The following RPTOR variants were observed in gnomAD, a reference collection of about 807,000 sequenced individuals.
RPTOR encodes the protein regulatory-associated protein of mTOR.
A neutral mutation model predicts 169.9 loss-of-function variants in RPTOR; 21 were observed. The ratio of observed to expected loss-of-function variants is 0.12; its 90% confidence interval spans 0.09 to 0.18. The LOEUF (loss-of-function observed/expected upper bound fraction) is 0.18. Among genes scored for constraint, RPTOR ranks in the 10% least tolerant of loss-of-function variants. The pLI is 1.00. For synonymous variants in RPTOR, 732 were observed against 753.2 expected, an observed-to-expected ratio of 0.97 and a Z score of 0.46; for missense variants, 1,133 against 1,855.9, an observed-to-expected ratio of 0.61 and a Z score of 7.16.
At chr17:80,954,005 G>C (rs1333701439) in intron 28 of RPTOR, among the ~76,000 whole-genome samples, 10 of 152,156 alleles carry the variant, frequency 6.6e-5, no homozygotes, top group South Asian at 2.1e-4. Context: ...TTGTTTGTTT[G>C]TGTTTGTTTT....
rs1234597342 is a variant in RPTOR, at chr17:80,633,670, C to T, written c.265+7877C>T. 1.3e-5 allele frequency among the ~76,000 whole-genome samples: 2 copies of T among 152,172 alleles called. 1 individual carries two copies. The highest frequency in any genetic ancestry group is 4.8e-5 in the African/African-American group (2 of 41,414). ...GCCTGCTGGACCTCATGTGAAATTC[C>T]CCTTTGTAGTTGATAGGTATTTTCG... is the stretch of plus-strand genomic sequence containing the variant. On this transcript the variant is annotated intron_variant, in intron 2 of 33. Coordinates refer to ENST00000306801, the MANE Select transcript of RPTOR (RefSeq NM_020761.3). The surrounding 1 kb of genome is among the most constrained non-coding windows in gnomAD (Gnocchi z 4.1).
Position 80,721,554 on chromosome 17 carries a change from G to A in RPTOR, c.508-9006G>A, listed in dbSNP as rs2066286886. Among the ~76,000 whole-genome samples, 1 of 151,378 alleles carries A rather than the reference G, an allele frequency of 6.6e-6. No individual in the cohort carries two copies. Among genetic ancestry groups the A allele is most frequent in the Non-Finnish European group, 1.5e-5 (1 of 68,038 alleles). On this transcript the variant is annotated intron_variant, in intron 4 of 33. Transcript: ENST00000306801. This position sits in a 1 kb window ranked among gnomAD's most constrained non-coding sequence, Gnocchi z 4.7. ...CGGGGCCGTCAGGGCGCTGCAGTTT[G>A]CAGGAGCATCCTTTGGGCTCTTACC... is the stretch of plus-strand genomic sequence containing the variant.
At position 80,560,277 on chromosome 17, in the gene RPTOR, A is replaced by C. The variant is rs566346024; in HGVS notation, c.162+14486A>C. Among the ~76,000 whole-genome samples the C allele has an allele frequency of 9.2e-5, 14 of 152,294 alleles. No individual in the cohort carries two copies. In the South Asian group the frequency reaches 2.9e-3, roughly 32 times the overall value. ...TGGCTGGACGAAGATCTGTGTGCTC[A>C]GGTGGAGTGGTTGCGGGAGCAGGGC... is the stretch of plus-strand genomic sequence containing the variant. On this transcript the variant is annotated intron_variant, in intron 1 of 33. Transcript: ENST00000306801.
At chr17:80,628,696 A>G (rs2065415231) in intron 2 of RPTOR, among the ~76,000 whole-genome samples, 1 of 151,256 alleles carries the variant, frequency 6.6e-6, no homozygotes, top group African/African-American at 2.4e-5. Context: ...AGGCTGGGCT[A>G]TACTTGAACA....
intron 1 of RPTOR, among the ~76,000 whole-genome samples, chr17:80,601,555 C>CTTTTTTTTTTTTTTTTTTTTT (rs536196387): frequency 5.6e-5 from 1 of 18,000 alleles, no homozygotes; most frequent in African/African-American, 3.5e-4. Flanking sequence ...ATGGTTCAGT[C>CTTTTTTTTTTTTTTTTTTTTT]TTTTTTTTTT....
At chr17:80,764,061 A>G (rs1410217751) in intron 6 of RPTOR, among the ~76,000 whole-genome samples, 1 of 152,062 alleles carries the variant, frequency 6.6e-6, no homozygotes, top group Non-Finnish European at 1.5e-5. Context: ...GATATATAGC[A>G]GAGAAACCTA....
intron 1 of RPTOR, among the ~76,000 whole-genome samples, chr17:80,561,925 C>T (rs2084502801): frequency 6.6e-6 from 1 of 151,886 alleles, no homozygotes; most frequent in African/African-American, 2.4e-5. Flanking sequence ...TGTACATGTG[C>T]TTATGTGTAT....
chr17:80,840,824 A>G (rs2067634186), intron 10 of RPTOR, among the ~76,000 whole-genome samples: 1 of 125,488 alleles, frequency 8.0e-6, no homozygotes, highest in Non-Finnish European at 1.6e-5. Context: ...ACCACGCCGC[A>G]GCTCACACTC....
chr17:80,545,906 T>C, intron 1 of RPTOR, 115 bp downstream of exon 1: 1 of 889,874 alleles, frequency 1.1e-6, no homozygotes, highest in Middle Eastern at 2.4e-4. Context: ...CCACACGTTG[T>C]AAGTCAACTA....
At chr17:80,934,519 C>T (rs1441731773) in intron 24 of RPTOR, among the ~76,000 whole-genome samples, 1 of 152,146 alleles carries the variant, frequency 6.6e-6, no homozygotes, top group South Asian at 2.1e-4. Flanking sequence ...CCACCAGACA[C>T]AGCGAATTTT....
At chr17:80,809,973 G>A (rs1486367030) in intron 7 of RPTOR, among the ~76,000 whole-genome samples, 2 of 151,996 alleles carry the variant, frequency 1.3e-5, no homozygotes, top group Middle Eastern at 3.2e-3. Context: ...GGAGGCGGAC[G>A]TTGAGTCCGT....
chr17:80,842,638 C>T (rs529836374), intron 10 of RPTOR, among the ~76,000 whole-genome samples: 33 of 152,172 alleles, frequency 2.2e-4, no homozygotes, highest in Non-Finnish European at 3.5e-4. Flanking sequence ...TGTATTTACC[C>T]GATGGTTAAT....
In RPTOR at chr17:80,726,296, C is replaced by T. The variant is rs576440509; in HGVS notation, c.508-4264C>T. ...TGTGCCGTGCTGCCTCCTGGACGCA[C>T]GCTAGGAGGTGGAGATGGTCCAGCC... is the stretch of plus-strand genomic sequence containing the variant. On this transcript the variant is annotated intron_variant, in intron 4 of 33. Transcript: ENST00000306801. This position sits in a 1 kb window ranked among gnomAD's most constrained non-coding sequence, Gnocchi z 4.5. Among the ~76,000 whole-genome samples, 25 of 152,306 alleles carry T rather than the reference C, an allele frequency of 1.6e-4. No individual in the cohort carries two copies. Among genetic ancestry groups the T allele is most frequent in the African/African-American group, 5.8e-4 (24 of 41,564 alleles).
chr17:80,588,015 C>T (rs1320348294), intron 1 of RPTOR, among the ~76,000 whole-genome samples: 1 of 152,100 alleles, frequency 6.6e-6, no homozygotes, highest in African/African-American at 2.4e-5. Context: ...TAAGTGACAT[C>T]ATGTGGTGTT....
chr17:80,689,117 T>C (rs2065970516), intron 3 of RPTOR, among the ~76,000 whole-genome samples: 1 of 152,248 alleles, frequency 6.6e-6, no homozygotes, highest in Admixed American at 6.5e-5. Flanking sequence ...AACGGTTTCA[T>C]ATGTATGGAG....
chr17:80,602,776 T>C, intron 1 of RPTOR: 1 of 715,598 alleles, frequency 1.4e-6, no homozygotes, highest in East Asian at 2.6e-5. Flanking sequence ...ATGTCAAATT[T>C]CCGAATCTCT....
intron 5 of RPTOR, among the ~76,000 whole-genome samples, chr17:80,743,813 T>G (rs1416705922): frequency 1.2e-4 from 15 of 128,876 alleles, no homozygotes; most frequent in African/African-American, 4.2e-4. Context: ...CCCTGGCTAC[T>G]AGCAGAGCCC....
intron 1 of RPTOR, among the ~76,000 whole-genome samples, chr17:80,577,686 A>G (rs74003996): frequency 0.056 from 8,485 of 152,286 alleles, 805 homozygotes; most frequent in African/African-American, 0.19. Context: ...GCAGGGTGTC[A>G]TGGCCAGGGT....
chr17:80,854,490 A>G (rs888751980), intron 11 of RPTOR, among the ~76,000 whole-genome samples: 5 of 152,230 alleles, frequency 3.3e-5, no homozygotes, highest in Non-Finnish European at 5.9e-5. Flanking sequence ...TAACTTAAGT[A>G]TATATGCTCC....
Sources: gnomAD v4.1 joint callset for allele counts (sites outside exome capture counted in the v4.1 genomes callset) on GRCh38, gnomAD v4.1.1 for gene constraint, Gnocchi (gnomAD v3.1) non-coding constraint, MANE v1.5 for transcripts, NCBI Gene and HGNC (gene_info 2026-07-23, HGNC 2026-07-21) for gene names.